ATG16L2: variants seen among roughly 807,000 people sequenced by gnomAD.
ATG16L2 encodes the protein autophagy related 16 like 2, also known as protein Atg16l2.
A neutral mutation model predicts 84.7 loss-of-function variants in ATG16L2; 77 were observed. The observed-to-expected ratio is 0.91, with a 90% confidence interval of 0.76 to 1.10. The LOEUF is 1.10. Ranked by LOEUF, ATG16L2 falls within the 50% of genes least tolerant of loss-of-function variation. The pLI, the probability that ATG16L2 is intolerant of heterozygous loss-of-function variation, is 0.00. For synonymous variants in ATG16L2, 361 were observed against 342.8 expected, an observed-to-expected ratio of 1.05 and a Z score of -0.59; for missense variants, 782 against 817.6, an observed-to-expected ratio of 0.96 and a Z score of 0.53.
chr11:72,814,434 G>T lies in ATG16L2; in HGVS notation c.-12G>T. 3 of 1,463,362 alleles carry T rather than the reference G, an allele frequency of 2.1e-6. No individual in the cohort carries two copies. The highest frequency in any genetic ancestry group is 2.7e-6 in the Non-Finnish European group (3 of 1,098,670). 90.6% of individuals were successfully genotyped at this position (1,463,362 alleles called of 1,614,324 possible). On this transcript the variant is annotated 5_prime_UTR_variant, in exon 1 of 18. Coordinates refer to ENST00000321297, the MANE Select transcript of ATG16L2 (RefSeq NM_033388.2). ...GCGGGAGGAACGCGCCGCTAGGCGG[G>T]AGAGCGCGGCCATGGCGGGGCCGGG... is the stretch of plus-strand genomic sequence containing the variant.
At position 72,814,431 on chromosome 11, in the gene ATG16L2, C is replaced by T. The variant is rs1022884849; in HGVS notation, c.-15C>T. 1 of 1,454,312 alleles carries T rather than the reference C, an allele frequency of 6.9e-7. No individual in the cohort carries two copies. The highest frequency in any genetic ancestry group is 9.1e-7 in the Non-Finnish European group (1 of 1,093,280). The allele number at this position is 1,454,312 out of a possible 1,614,324, so 90.1% of individuals were successfully genotyped here. ...TGGGCGGGAGGAACGCGCCGCTAGG[C>T]GGGAGAGCGCGGCCATGGCGGGGCC... On this transcript the variant is annotated 5_prime_UTR_variant, in exon 1 of 18. Transcript: ENST00000321297.
Position 72,817,983 on chromosome 11 carries a change from G to A in ATG16L2, c.318+128G>A, listed in dbSNP as rs147280877. On this transcript the variant is annotated intron_variant, in intron 3 of 17. Transcript: ENST00000321297. ...CTGCAAGCATTGAGTGAGCCCTAGT[G>A]TGTGCCAGGCCCTGACCTGAAGCTG... The A allele has an allele frequency of 9.5e-3, 8,390 of 882,028 alleles. 53 individuals are homozygous for A. The highest frequency in any genetic ancestry group is 0.012 in the Non-Finnish European group (6,754 of 579,962). The allele number at this position is 882,028 out of a possible 1,614,324, so 54.6% of individuals were successfully genotyped here. A position where few individuals can be genotyped will look rare whatever the true frequency, so the allele number is the denominator to read the frequency against.
At chr11:72,838,534 C>A in intron 5 of ATG16L2, 2 of 527,584 alleles carry the variant, frequency 3.8e-6, no homozygotes, top group South Asian at 4.3e-5. Context: ...ATGAGGGCTG[C>A]CCCCCTCTTT....
intron 14 of ATG16L2, 77 bp downstream of exon 14, chr11:72,827,370 C>A: frequency 7.9e-7 from 1 of 1,271,216 alleles, no homozygotes. Context: ...TTTCTCTGGC[C>A]ATGGCAGGAG....
chr11:72,816,856 A>T (rs755033439), intron 2 of ATG16L2, 29 bp downstream of exon 2: 49 of 1,586,432 alleles, frequency 3.1e-5, no homozygotes, highest in Non-Finnish European at 4.1e-5. Context: ...GTGGTCACAA[A>T]GGGCTGCCTG....
At chr11:72,827,632 A>T in intron 14 of ATG16L2, among the ~76,000 whole-genome samples, 1 of 152,232 alleles carries the variant, frequency 6.6e-6, no homozygotes, top group East Asian at 1.9e-4. Flanking sequence ...TTTGGGCTTG[A>T]ATTGTTTGTA....
chr11:72,843,439 A>G (rs1861028417), exon 6 of ATG16L2: 1 of 1,610,554 alleles, frequency 6.2e-7, no homozygotes, highest in Non-Finnish European at 8.5e-7. Flanking sequence ...ATATGAGCAA[A>G]GGAATATACC....
intron 5 of ATG16L2, among the ~76,000 whole-genome samples, chr11:72,842,246 G>A (rs1860979764): frequency 6.6e-6 from 1 of 152,368 alleles, no homozygotes; most frequent in South Asian, 2.1e-4. Context: ...GGCTCTGACA[G>A]TGAGGGAGAG....
intron 7 of ATG16L2, chr11:72,823,418 T>C (rs1404673677): frequency 1.5e-5 from 5 of 334,092 alleles, no homozygotes; most frequent in Non-Finnish European, 3.0e-5. Context: ...CTCACACTTG[T>C]GGGACCTGAT....
chr11:72,833,986 C>G (rs1205058557), downstream of ATG16L2, among the ~76,000 whole-genome samples: 2 of 150,566 alleles, frequency 1.3e-5, no homozygotes, highest in African/African-American at 4.9e-5. Flanking sequence ...GAAACAGACA[C>G]AGCAAAAGTG....
Position 72,822,776 on chromosome 11 carries a change from C to T in ATG16L2, c.711-72C>T. On this transcript the variant is annotated intron_variant, in intron 6 of 17. Transcript: ENST00000321297. The surrounding 1 kb of genome is among the most constrained non-coding windows in gnomAD (Gnocchi z 4.2). ...CATCACTGGGAATTCCTGTCTTCAGCGTATCCTGTGCTGGGGTCGGGAGGG... is the reference window on the plus strand; with the variant it reads ...CATCACTGGGAATTCCTGTCTTCAGTGTATCCTGTGCTGGGGTCGGGAGGG... 1.6e-6 allele frequency: 2 copies of T among 1,222,420 alleles called. No individual in the cohort carries two copies. The highest frequency in any genetic ancestry group is 1.5e-5 in the African/African-American group (1 of 65,162). 75.7% of individuals were successfully genotyped at this position (1,222,420 alleles called of 1,614,324 possible).
chr11:72,828,852 C>A (rs762638642), intron 16 of ATG16L2, 31 bp from the exon 17 acceptor site: 16 of 1,613,914 alleles, frequency 9.9e-6, no homozygotes, highest in African/African-American at 1.3e-5. Context: ...CTCTGACCCC[C>A]CGTTTTCTTG....
chr11:72,841,508 G>A lies in ATG16L2; in HGVS notation c.*22-1109G>A, dbSNP rs773569322. 192 of 1,611,246 alleles carry A rather than the reference G, an allele frequency of 1.2e-4. 1 individual carries two copies. The highest frequency in any genetic ancestry group is 1.5e-4 in the Non-Finnish European group (176 of 1,178,884). On this transcript the variant is annotated intron_variant, in intron 5 of 5. Coordinates refer to the ATG16L2 transcript ENST00000534905. ...AGGGAGCTCCTCTTATCTGGGCTGG[G>A]GTAGGGGCTGCTGGGAGGCTGGTCG... is the stretch of plus-strand genomic sequence containing the variant.
intron 5 of ATG16L2, among the ~76,000 whole-genome samples, chr11:72,839,605 A>G (rs1384538513): frequency 2.0e-5 from 3 of 152,158 alleles, no homozygotes; most frequent in African/African-American, 7.2e-5. Flanking sequence ...AGGCAGGGGC[A>G]GGAGGTATTA....
chr11:72,841,657 C>T (rs1860954241), intron 5 of ATG16L2: 4 of 1,413,488 alleles, frequency 2.8e-6, no homozygotes, highest in Admixed American at 2.8e-5. Flanking sequence ...TCTGACTGCT[C>T]TGTACTCATG....
chr11:72,814,987 A>G (rs1194725297), intron 1 of ATG16L2, among the ~76,000 whole-genome samples: 1 of 152,082 alleles, frequency 6.6e-6, no homozygotes, highest in Non-Finnish European at 1.5e-5. Flanking sequence ...CCATCCGGAG[A>G]GGGGCGACAC....
exon 6 of ATG16L2, chr11:72,843,229 A>C: frequency 2.5e-6 from 4 of 1,614,008 alleles, no homozygotes; most frequent in Non-Finnish European, 3.4e-6. Flanking sequence ...CGACTGTCCA[A>C]AGCGGCCAGG....
At position 72,824,837 on chromosome 11, in the gene ATG16L2, G is replaced by A. The variant is rs748213121; in HGVS notation, c.991G>A (p.Val331Met). 1.3e-6 allele frequency: 2 copies of A among 1,588,660 alleles called. No homozygotes were observed. The highest frequency in any genetic ancestry group is 2.3e-5 in the South Asian group (2 of 86,288). The change falls in exon 9 of 18, where the codon GTG becomes ATG. Residue 331 changes from valine (V) to methionine (M), a missense_variant. Val to Met is a conservative substitution (Grantham distance 21, BLOSUM62 1). Coordinates refer to ENST00000321297, the MANE Select transcript of ATG16L2 (RefSeq NM_033388.2). ...CCGACTTCCTACCCGGGCTCAGGATGTGCTGGTAAGGGAGGAGCTGAGCCA... is the reference window on the plus strand; with the variant it reads ...CCGACTTCCTACCCGGGCTCAGGATATGCTGGTAAGGGAGGAGCTGAGCCA... ...AARLPTRAQD[V>M]LDAHLSEVNA...
chr11:72,826,281 T>C (rs573423104), intron 11 of ATG16L2, 38 bp downstream of exon 11: 1 of 1,601,422 alleles, frequency 6.2e-7, no homozygotes, highest in South Asian at 1.1e-5. Flanking sequence ...GATTGTGCCC[T>C]CTCTGATCTC....
Sources: allele counts gnomAD v4.1 joint callset (sites outside exome capture counted in the v4.1 genomes callset), GRCh38; gene constraint gnomAD v4.1.1; non-coding constraint Gnocchi (gnomAD v3.1); transcripts MANE v1.5; gene names NCBI Gene and HGNC (gene_info 2026-07-23, HGNC 2026-07-21).